The following DMD variants were observed in gnomAD, a reference collection of about 807,000 sequenced individuals.
DMD encodes the protein dystrophin.
In DMD, 63 loss-of-function variants were observed where a neutral mutation model predicts 330.1. The observed-to-expected ratio is 0.19, with a 90% CI of 0.16 to 0.24. The LOEUF (loss-of-function observed/expected upper bound fraction) is 0.24. Among genes scored for constraint, DMD ranks in the 10% least tolerant of loss-of-function variants. The pLI is 1.00. For synonymous variants in DMD, 1,223 were observed against 959.8 expected, an observed-to-expected ratio of 1.27 and a Z score of -5.07; for missense variants, 3,344 against 2,684.1, an observed-to-expected ratio of 1.25 and a Z score of -5.43.
chrX:32,690,835 T>C (rs913329621), intron 9 of DMD, among the ~76,000 whole-genome samples: 5 of 111,458 alleles, frequency 4.5e-5, no homozygotes, highest in Non-Finnish European at 5.7e-5. Context: ...TATGCAAATA[T>C]CAACTCCAAA....
intron 48 of DMD, among the ~76,000 whole-genome samples, chrX:31,867,238 T>C (rs1214565200): frequency 9.1e-6 from 1 of 109,468 alleles, no homozygotes; most frequent in Non-Finnish European, 1.9e-5. Flanking sequence ...GTAATCTGTA[T>C]AGGAAACAAA....
chrX:32,565,112 CA>C (rs1302160515), intron 16 of DMD, among the ~76,000 whole-genome samples: 2 of 111,201 alleles, frequency 1.8e-5, no homozygotes, highest in African/African-American at 6.5e-5. Flanking sequence ...CCACATACCC[CA>C]AATGTAGCTG....
chrX:32,227,043 C>T (rs2097150263), intron 43 of DMD, among the ~76,000 whole-genome samples: 1 of 106,929 alleles, frequency 9.4e-6, no homozygotes, highest in Non-Finnish European at 1.9e-5. Context: ...TGAGGATGCA[C>T]ATTTAGGGAC....
chrX:31,446,733 T>G (rs1208728213), intron 59 of DMD, among the ~76,000 whole-genome samples: 1 of 112,459 alleles, frequency 8.9e-6, no homozygotes, highest in African/African-American at 3.2e-5. Flanking sequence ...ATAGAAAGGT[T>G]AGAAAACAGA....
intron 50 of DMD, among the ~76,000 whole-genome samples, chrX:31,803,335 C>A (rs1401891566): frequency 8.9e-6 from 1 of 112,589 alleles, no homozygotes; most frequent in African/African-American, 3.2e-5. Flanking sequence ...TGACTCCAGG[C>A]ACCAGGGGAA....
chrX:32,634,159 G>C (rs953372054), intron 11 of DMD, among the ~76,000 whole-genome samples: 1 of 111,820 alleles, frequency 8.9e-6, no homozygotes, highest in African/African-American at 3.3e-5. Flanking sequence ...GAACCAAAGA[G>C]AGTACTGTCT....
chrX:32,342,198 C>A lies in DMD; in HGVS notation c.5824G>T (p.Ala1942Ser). 8.3e-7 allele frequency: 1 copy of A among 1,210,678 alleles called. No individual in the cohort carries two copies. Residue 1942 changes from alanine to serine, a missense_variant, in exon 41 of 79, where the codon GCA becomes TCA. By Grantham distance (99) the Ala-to-Ser change is moderately conservative. Coordinates refer to ENST00000357033, the MANE Select transcript of DMD (RefSeq NM_004006.3). ...ATCTGAGTTGGCTCCACTGCCATTGCGGCCCCATCCTCAGACAAGCCCTCA... is the reference window on the plus strand; with the variant it reads ...ATCTGAGTTGGCTCCACTGCCATTGAGGCCCCATCCTCAGACAAGCCCTCA... ...QAEGLSEDGA[A>S]MAVEPTQIQL...
intron 1 of DMD, among the ~76,000 whole-genome samples, chrX:33,311,343 C>G (rs765456477): frequency 9.1e-6 from 1 of 109,919 alleles, no homozygotes; most frequent in East Asian, 2.8e-4. Context: ...AGACACTTAT[C>G]TATAATATAT....
rs6631480 is a variant in DMD at position 32,074,601 on chromosome X, A to G, written c.6439-106087T>C. 3.6e-5 allele frequency among the ~76,000 whole-genome samples: 4 copies of G among 111,445 alleles called. No individual in the cohort carries two copies. In the East Asian group the frequency reaches 1.1e-3, roughly 31 times the overall value. On this transcript the variant is annotated intron_variant, in intron 44 of 78. Transcript: ENST00000357033. ...AATTTCTCTGTGCGTAAAGTTTGCT[A>G]GGAACAAAACCATGCTCATTCAGGT...
At chrX:33,009,022 A>G (rs2093484502) in intron 2 of DMD, among the ~76,000 whole-genome samples, 1 of 98,942 alleles carries the variant, frequency 1.0e-5, no homozygotes, top group Non-Finnish European at 2.1e-5. Context: ...ACACACGTAT[A>G]TATACACATG....
intron 51 of DMD, among the ~76,000 whole-genome samples, chrX:31,757,645 C>T (rs945923960): frequency 7.2e-5 from 8 of 110,600 alleles, no homozygotes; most frequent in Admixed American, 2.9e-4. Context: ...TTTCTGGAGC[C>T]GCTTTTATAA....
intron 41 of DMD, among the ~76,000 whole-genome samples, chrX:32,333,301 T>C (rs2097689986): frequency 8.9e-6 from 1 of 111,750 alleles, no homozygotes; most frequent in South Asian, 3.7e-4. Context: ...TAGTAAACGG[T>C]TTCTGTGTGT....
At chrX:32,583,786 A>G (rs183557097) in intron 13 of DMD, 51 of 112,645 alleles carry the variant, frequency 4.5e-4, no homozygotes, top group African/African-American at 1.6e-3. Flanking sequence ...GAAAAAATGG[A>G]CATTCATCCC....
intron 57 of DMD, among the ~76,000 whole-genome samples, chrX:31,487,362 G>A (rs938245541): frequency 3.7e-5 from 4 of 109,145 alleles, no homozygotes; most frequent in East Asian, 2.9e-4. Flanking sequence ...CCAGGTTCAC[G>A]CCATTCTCCT....
At chrX:32,753,210 T>A (rs1485565457) in intron 7 of DMD, among the ~76,000 whole-genome samples, 2 of 111,692 alleles carry the variant, frequency 1.8e-5, no homozygotes, top group African/African-American at 3.3e-5. Context: ...GATTTACTAT[T>A]TTTATAGCAC....
intron 44 of DMD, among the ~76,000 whole-genome samples, chrX:32,021,215 G>A (rs1013311391): frequency 2.7e-5 from 3 of 111,780 alleles, no homozygotes; most frequent in African/African-American, 9.8e-5. Context: ...ACAATGAGTT[G>A]CACATTGATG....
chrX:32,933,922 A>C (rs192685818), intron 2 of DMD, among the ~76,000 whole-genome samples: 2 of 111,808 alleles, frequency 1.8e-5, no homozygotes, highest in African/African-American at 6.5e-5. Context: ...CATTAGGTGT[A>C]GTCTTGCTCA....
At chrX:32,399,068 G>A (rs181053457) in intron 30 of DMD, among the ~76,000 whole-genome samples, 9 of 111,895 alleles carry the variant, frequency 8.0e-5, no homozygotes, top group East Asian at 2.8e-4. Context: ...ATCTTGAACC[G>A]TATACAGAAA....
chrX:31,370,261 A>T (rs181803372), intron 60 of DMD, among the ~76,000 whole-genome samples: 1 of 111,757 alleles, frequency 8.9e-6, no homozygotes, highest in Non-Finnish European at 1.9e-5. Flanking sequence ...GAAGATGAAA[A>T]GATGAGAGAG....
Sources: allele counts gnomAD v4.1 joint callset (sites outside exome capture counted in the v4.1 genomes callset), GRCh38; gene constraint gnomAD v4.1.1; transcripts MANE v1.5; gene names NCBI Gene and HGNC (gene_info 2026-07-23, HGNC 2026-07-21).